Variants in C2orf74 observed in about 807,000 individuals in gnomAD.
C2orf74 encodes the protein uncharacterized protein C2orf74.
C2orf74 carries 14 observed loss-of-function variants against 17.9 expected under a neutral mutation model. The observed-to-expected ratio is 0.78, with a 90% confidence interval of 0.52 to 1.22. The LOEUF is 1.22. Ranked by LOEUF, C2orf74 falls within the 50% of genes most tolerant of loss-of-function variation. The probability of loss-of-function intolerance (pLI) is 0.00; values close to 1 mark genes in which losing one functional copy is unlikely to be tolerated. For missense variants in C2orf74, 217 were observed against 218.4 expected (o/e 0.99, Z 0.04); for synonymous variants, 79 against 72.6 (o/e 1.09, Z -0.44).
At chr2:61,159,151 C>G (rs1685487870), upstream of C2orf74, among the ~76,000 whole-genome samples, 1 of 151,952 alleles carries the variant, frequency 6.6e-6, no homozygotes, top group Non-Finnish European at 1.5e-5. Context: ...TGCGTGCCAC[C>G]ACACCCGGCT....
intron 4 of C2orf74, among the ~76,000 whole-genome samples, chr2:61,164,037 CACG>C (rs1685654120): frequency 6.6e-6 from 1 of 152,106 alleles, no homozygotes; most frequent in Admixed American, 6.5e-5. Context: ...GATTCCCTGA[CACG>C]AACAACTCAC....
intron 1 of C2orf74, among the ~76,000 whole-genome samples, chr2:61,147,999 C>T (rs1685121736): frequency 6.6e-6 from 1 of 151,550 alleles, no homozygotes; most frequent in Non-Finnish European, 1.5e-5. Flanking sequence ...AAACTCCTGA[C>T]CTCAGCTGAT....
upstream of C2orf74, among the ~76,000 whole-genome samples, chr2:61,160,814 C>T (rs922337527): frequency 2.6e-5 from 4 of 152,188 alleles, no homozygotes; most frequent in African/African-American, 7.2e-5. Context: ...ATCCATCCTT[C>T]GATGGACATT....
At position 61,162,307 on chromosome 2, in the gene C2orf74, A is replaced by T; in HGVS notation, c.-113A>T. On this transcript the variant is annotated 5_prime_UTR_variant, in exon 1 of 5. An upstream open reading frame in the 5' UTR gains an earlier in-frame stop. Transcript: ENST00000432605. ...CTCAGCCCCCACCACAGTTATGGAG[A>T]GAAATTAGCCAGTGTGAGTCAACTC... 2 of 583,234 alleles carry T rather than the reference A, an allele frequency of 3.4e-6. No individual in the cohort carries two copies. The highest frequency in any genetic ancestry group is 6.0e-6 in the Non-Finnish European group (2 of 332,024). The allele number at this position is 583,234 out of a possible 1,614,324, so 36.1% of individuals were successfully genotyped here.
At chr2:61,159,360 G>C, upstream of C2orf74, 1 of 332,246 alleles carries the variant, frequency 3.0e-6, no homozygotes, top group Non-Finnish European at 5.8e-6. Context: ...GCAGTGGCAC[G>C]ATCTCAGCTC....
chr2:61,163,955 C>A (rs1471133925), intron 4 of C2orf74, among the ~76,000 whole-genome samples: 1 of 152,064 alleles, frequency 6.6e-6, no homozygotes, highest in Admixed American at 6.5e-5. Context: ...CAGACCGCAG[C>A]CCCCTGTGCT....
intron 1 of C2orf74, among the ~76,000 whole-genome samples, chr2:61,146,885 C>T (rs1348758497): frequency 6.6e-6 from 1 of 151,056 alleles, no homozygotes; most frequent in Non-Finnish European, 1.5e-5. Flanking sequence ...GTGTGTGGCT[C>T]ACACCTCTAA....
upstream of C2orf74, among the ~76,000 whole-genome samples, chr2:61,157,663 G>A (rs1351129959): frequency 1.3e-5 from 2 of 152,130 alleles, no homozygotes; most frequent in African/African-American, 2.4e-5. Flanking sequence ...CATGCTGGAA[G>A]TTCCTGCAAA....
Position 61,163,134 on chromosome 2 carries a change from A to C in C2orf74, c.292A>C (p.Thr98Pro). The change falls in exon 4 of 5, where the codon ACA becomes CCA. Residue 98 changes from threonine (T) to proline (P), a missense_variant. Coordinates refer to ENST00000432605, the MANE Select transcript of C2orf74 (RefSeq NM_001143959.4). ...GAGACAGAGTAAGGAAGTGTTGGCCACACCCTTAGAAAACAGAAGGGACAT... is the reference window on the plus strand; with the variant it reads ...GAGACAGAGTAAGGAAGTGTTGGCCCCACCCTTAGAAAACAGAAGGGACAT... The part of the protein sequence containing the change: ...VQRQSKEVLA[T>P]PLENRRDMEA... The C allele has an allele frequency of 2.6e-6, 4 of 1,552,232 alleles. No homozygotes were observed. The highest frequency in any genetic ancestry group is 3.5e-6 in the Non-Finnish European group (4 of 1,147,080).
chr2:61,153,186 T>A (rs1685290826), intron 1 of C2orf74, among the ~76,000 whole-genome samples: 1 of 150,958 alleles, frequency 6.6e-6, no homozygotes, highest in African/African-American at 2.4e-5. Flanking sequence ...CCAAGCATCA[T>A]TATAAATGAA....
At chr2:61,145,137 T>C (rs1391639833) in exon 1 of C2orf74, 1 of 152,322 alleles carries the variant, frequency 6.6e-6, no homozygotes, top group Non-Finnish European at 1.5e-5. Context: ...CATGTTGACG[T>C]CGTCCGAGAG....
At chr2:61,156,537 G>A (rs1204227251) in intron 1 of C2orf74, among the ~76,000 whole-genome samples, 1 of 152,098 alleles carries the variant, frequency 6.6e-6, no homozygotes, top group Non-Finnish European at 1.5e-5. Context: ...ACATGTATAT[G>A]TACAAATATG....
intron 1 of C2orf74, among the ~76,000 whole-genome samples, chr2:61,154,897 A>G (rs910590715): frequency 6.6e-6 from 1 of 151,794 alleles, no homozygotes; most frequent in Non-Finnish European, 1.5e-5. Context: ...TCTACTTAAA[A>G]AAAAAAAAAA....
chr2:61,164,061 A>C (rs1043583457), intron 4 of C2orf74, among the ~76,000 whole-genome samples: 1 of 151,482 alleles, frequency 6.6e-6, no homozygotes, highest in South Asian at 2.1e-4. Context: ...ATACCCTCCC[A>C]CCCCATGGCC....
At chr2:61,153,893 A>C (rs1685315894) in intron 1 of C2orf74, among the ~76,000 whole-genome samples, 1 of 123,494 alleles carries the variant, frequency 8.1e-6, no homozygotes, top group Non-Finnish European at 1.8e-5. Flanking sequence ...CGTCTCAAAA[A>C]AAAAGAAAAA....
intron 1 of C2orf74, among the ~76,000 whole-genome samples, chr2:61,147,056 C>G (rs77217812): frequency 0.023 from 3,459 of 151,940 alleles, 142 homozygotes; most frequent in African/African-American, 0.079. Flanking sequence ...GTAGGCCCAA[C>G]TACCCGGGAG....
chr2:61,164,271 T>C (rs1685661725), intron 4 of C2orf74, 83 bp from the exon 5 acceptor site: 2 of 1,117,272 alleles, frequency 1.8e-6, no homozygotes, highest in East Asian at 5.6e-5. Context: ...TCTCGTTAAG[T>C]GTACATATAA....
upstream of C2orf74, among the ~76,000 whole-genome samples, chr2:61,160,176 G>C (rs75842546): frequency 9.2e-6 from 1 of 108,482 alleles, no homozygotes; most frequent in Non-Finnish European, 2.0e-5. Context: ...TTTTTTTTTT[G>C]AGATGAAGTC....
upstream of C2orf74, among the ~76,000 whole-genome samples, chr2:61,158,226 G>A (rs889128918): frequency 3.9e-5 from 6 of 152,128 alleles, no homozygotes; most frequent in East Asian, 1.9e-4. Flanking sequence ...GTTACTATCA[G>A]GCATTCTTGT....
Sources: gnomAD v4.1 joint callset for allele counts (sites outside exome capture counted in the v4.1 genomes callset) on GRCh38, gnomAD v4.1.1 for gene constraint, MANE v1.5 for transcripts, NCBI Gene and HGNC (gene_info 2026-07-23, HGNC 2026-07-21) for gene names.